NCAM1: variants seen among roughly 807,000 people sequenced by gnomAD.
NCAM1 encodes the protein neural cell adhesion molecule 1.
NCAM1 carries 14 observed loss-of-function variants against 109.8 expected under a neutral mutation model. The ratio of observed to expected loss-of-function variants is 0.13; its 90% CI spans 0.08 to 0.20. The LOEUF (loss-of-function observed/expected upper bound fraction) is 0.20. Ranked by LOEUF, NCAM1 falls within the 10% of genes least tolerant of loss-of-function variation. The probability of loss-of-function intolerance (pLI) is 1.00; values close to 1 mark genes in which losing one functional copy is unlikely to be tolerated. For synonymous variants in NCAM1, 418 were observed against 442.9 expected (o/e 0.94, Z 0.70); for missense variants, 774 against 1,109.9 (o/e 0.70, Z 4.30).
chr11:112,980,776 A>T (rs1951133708), intron 1 of NCAM1, among the ~76,000 whole-genome samples: 1 of 151,860 alleles, frequency 6.6e-6, no homozygotes, highest in Non-Finnish European at 1.5e-5. Flanking sequence ...TTTTAATCCT[A>T]GCACTTGTTA....
chr11:113,249,326 T>A (rs1945591696), intron 15 of NCAM1, among the ~76,000 whole-genome samples: 2 of 152,324 alleles, frequency 1.3e-5, no homozygotes, highest in East Asian at 3.9e-4. Context: ...CTAATTGCCT[T>A]TATCTCTAAG....
intron 1 of NCAM1, among the ~76,000 whole-genome samples, chr11:113,097,474 A>G (rs1939652640): frequency 6.6e-6 from 1 of 152,224 alleles, no homozygotes; most frequent in Non-Finnish European, 1.5e-5. Flanking sequence ...ATAGAGAGCT[A>G]TCATCAAATT....
intron 1 of NCAM1, among the ~76,000 whole-genome samples, chr11:113,177,664 C>T (rs1299993624): frequency 2.0e-5 from 3 of 152,094 alleles, no homozygotes; most frequent in African/African-American, 4.8e-5. Context: ...AACTCCCGAC[C>T]TCAGGTGATC....
intron 14 of NCAM1, chr11:113,240,830 G>A (rs782743285): frequency 1.9e-6 from 3 of 1,613,186 alleles, no homozygotes; most frequent in Non-Finnish European, 2.5e-6. Flanking sequence ...GTCTCCACCA[G>A]ATAGTGAGTA....
At chr11:113,265,544 C>G (rs1946119983) in intron 17 of NCAM1, among the ~76,000 whole-genome samples, 1 of 152,218 alleles carries the variant, frequency 6.6e-6, no homozygotes, top group African/African-American at 2.4e-5. Flanking sequence ...TATACTATCC[C>G]TAACAGAGGC....
chr11:113,012,102 T>C (rs1165829209), intron 1 of NCAM1, among the ~76,000 whole-genome samples: 9 of 151,934 alleles, frequency 5.9e-5, no homozygotes, highest in African/African-American at 2.2e-4. Flanking sequence ...CACTGCAACC[T>C]CCATCTCCTG....
intron 1 of NCAM1, among the ~76,000 whole-genome samples, chr11:113,076,210 A>T (rs1938519747): frequency 6.6e-6 from 1 of 152,136 alleles, no homozygotes; most frequent in South Asian, 2.1e-4. Context: ...CCTTGAGGGG[A>T]AAGTTCTTGC....
At chr11:113,046,727 T>C (rs1208505317) in intron 1 of NCAM1, among the ~76,000 whole-genome samples, 1 of 147,500 alleles carries the variant, frequency 6.8e-6, no homozygotes, top group Non-Finnish European at 1.5e-5. Context: ...GAAAGGAAGA[T>C]AGAAAGATGG....
intron 1 of NCAM1, among the ~76,000 whole-genome samples, chr11:113,019,828 C>T (rs1460756290): frequency 6.6e-6 from 1 of 152,194 alleles, no homozygotes; most frequent in East Asian, 1.9e-4. Context: ...CACATGAGTT[C>T]TCTTGTCTGT....
chr11:112,984,720 C>A (rs987985860), intron 1 of NCAM1, among the ~76,000 whole-genome samples: 4 of 151,790 alleles, frequency 2.6e-5, no homozygotes, highest in Admixed American at 6.6e-5. Context: ...ATGTTCAGAT[C>A]CTTTGCCCAT....
chr11:113,085,535 A>T (rs1314841518), intron 1 of NCAM1, among the ~76,000 whole-genome samples: 3 of 152,144 alleles, frequency 2.0e-5, no homozygotes, highest in Admixed American at 2.0e-4. Flanking sequence ...TCCTCTTGTG[A>T]TCGCTGTGTT....
Position 113,030,045 on chromosome 11 carries a change from G to A in NCAM1, c.52+68381G>A, listed in dbSNP as rs1555078078. ...ACACCTGCTATGTACCTTGGGGGTT[G>A]GTGTTATCTTTATTTGATAAAAAAA... On this transcript the variant is annotated intron_variant, in intron 1 of 19. Transcript: ENST00000316851. 2.2e-5 allele frequency among the ~76,000 whole-genome samples: 3 copies of A among 138,694 alleles called. No individual in the cohort carries two copies. The Admixed American group carries it at 2.3e-4, about 10-fold the overall frequency. The allele number at this position is 138,694 out of a possible 152,430, so 91.0% of individuals were successfully genotyped here.
At chr11:113,139,437 C>G (rs1365292330) in intron 1 of NCAM1, among the ~76,000 whole-genome samples, 1 of 151,444 alleles carries the variant, frequency 6.6e-6, no homozygotes, top group Non-Finnish European at 1.5e-5. Flanking sequence ...TTAACAAAAT[C>G]TAATTTCTCA....
chr11:113,151,673 G>A (rs1474801183), intron 1 of NCAM1, among the ~76,000 whole-genome samples: 7 of 152,226 alleles, frequency 4.6e-5, no homozygotes, highest in South Asian at 2.1e-4. Context: ...CTGCTCTTCC[G>A]CTTCTGTCGT....
chr11:113,008,190 A>G (rs1951937648), intron 1 of NCAM1, among the ~76,000 whole-genome samples: 1 of 152,216 alleles, frequency 6.6e-6, no homozygotes, highest in Admixed American at 6.5e-5. Context: ...GATTATGAAT[A>G]TAAGTTATGA....
At chr11:113,136,490 A>T (rs782393139) in intron 1 of NCAM1, among the ~76,000 whole-genome samples, 7 of 152,212 alleles carry the variant, frequency 4.6e-5, no homozygotes, top group Non-Finnish European at 7.3e-5. Flanking sequence ...AGGAGAACTT[A>T]AGCAGACTGG....
At chr11:113,031,317 A>G (rs1952706027) in intron 1 of NCAM1, among the ~76,000 whole-genome samples, 2 of 152,208 alleles carry the variant, frequency 1.3e-5, no homozygotes, top group African/African-American at 4.8e-5. Flanking sequence ...ACTAGACAGC[A>G]CTTCACCACT....
rs571826990 is a variant in NCAM1 at position 113,197,890 on chromosome 11, G to T, written c.53-4489G>T. On this transcript the variant is annotated intron_variant, in intron 1 of 19. Transcript: ENST00000316851. ...AGCACCTGAGCATCTTTTAGGAACT[G>T]AAATTTTAATTCACTTTTCTTCAGC... Among the ~76,000 whole-genome samples the T allele has an allele frequency of 7.2e-5, 11 of 152,264 alleles. No homozygotes were observed. The South Asian group carries it at 8.3e-4, about 11-fold the overall frequency.
At chr11:112,986,645 A>T (rs1019326785) in intron 1 of NCAM1, among the ~76,000 whole-genome samples, 1 of 151,884 alleles carries the variant, frequency 6.6e-6, no homozygotes, top group South Asian at 2.1e-4. Flanking sequence ...TTCATAGGTT[A>T]TATGTTTCTA....
Sources: allele counts gnomAD v4.1 joint callset (sites outside exome capture counted in the v4.1 genomes callset), GRCh38; gene constraint gnomAD v4.1.1; transcripts MANE v1.5; gene names NCBI Gene and HGNC (gene_info 2026-07-23, HGNC 2026-07-21).